The following ITPKB variants were observed in gnomAD, a reference collection of about 807,000 sequenced individuals.
ITPKB encodes the protein IP3 3-kinase B.
Under a neutral mutation model 69.4 loss-of-function variants are expected in ITPKB, and 13 were observed. The observed-to-expected ratio is 0.19, with a 90% CI of 0.12 to 0.30. The LOEUF is 0.30. ITPKB is among the 10% of genes least tolerant of loss of function. ITPKB has a pLI of 1.00. For synonymous variants in ITPKB, 584 were observed against 513.7 expected (o/e 1.14, Z -1.85); for missense variants, 1,240 against 1,250.5 (o/e 0.99, Z 0.13).
intron 2 of ITPKB, among the ~76,000 whole-genome samples, chr1:226,723,478 G>A (rs1227095855): frequency 4.6e-5 from 7 of 152,084 alleles, no homozygotes; most frequent in Admixed American, 3.3e-4. Context: ...GAGAAGAGAC[G>A]AAGACTAATT....
intron 2 of ITPKB, among the ~76,000 whole-genome samples, chr1:226,658,441 G>A (rs1363949213): frequency 6.6e-6 from 1 of 152,238 alleles, no homozygotes; most frequent in South Asian, 2.1e-4. Context: ...GGGAGGGAAG[G>A]AGGGGAAGGG....
intron 2 of ITPKB, among the ~76,000 whole-genome samples, chr1:226,687,623 G>C (rs1251240467): frequency 6.6e-6 from 1 of 152,178 alleles, no homozygotes; most frequent in Non-Finnish European, 1.5e-5. Flanking sequence ...CAAAACTGAG[G>C]GGTTCCATGA....
At chr1:226,720,854 C>A (rs572507577) in intron 2 of ITPKB, among the ~76,000 whole-genome samples, 2 of 151,600 alleles carry the variant, frequency 1.3e-5, no homozygotes, top group East Asian at 3.9e-4. Context: ...ATCAGCCTGG[C>A]CAAGATGCTG....
At chr1:226,663,070 C>T (rs1335135387) in intron 2 of ITPKB, among the ~76,000 whole-genome samples, 1 of 152,192 alleles carries the variant, frequency 6.6e-6, no homozygotes, top group African/African-American at 2.4e-5. Context: ...CCAGAGAACC[C>T]CCAAGTATGA....
chr1:226,725,842 A>T (rs549159452), intron 2 of ITPKB, among the ~76,000 whole-genome samples: 110 of 152,302 alleles, frequency 7.2e-4, no homozygotes, highest in Middle Eastern at 3.4e-3. Flanking sequence ...GTTATCCAGA[A>T]TATCTCCTCA....
chr1:226,724,281 C>T (rs1313798089), intron 2 of ITPKB, among the ~76,000 whole-genome samples: 1 of 152,134 alleles, frequency 6.6e-6, no homozygotes, highest in Admixed American at 6.5e-5. Flanking sequence ...CAGAGCAAGC[C>T]TCCCCCAGCA....
chr1:226,648,675 C>T lies in ITPKB; in HGVS notation c.2029G>A (p.Ala677Thr), dbSNP rs1336927158. 6.3e-7 allele frequency: 1 copy of T among 1,594,766 alleles called. No individual in the cohort carries two copies. The highest frequency in any genetic ancestry group is 8.6e-7 in the Non-Finnish European group (1 of 1,162,316). Residue 677 changes from alanine to threonine, a missense_variant, in exon 3 of 8, where the codon GCA becomes ACA. Ala to Thr is a moderately conservative substitution (Grantham distance 58). Coordinates refer to ENST00000429204, the MANE Select transcript of ITPKB (RefSeq NM_002221.4). ...KYPWIQLAGH[A>T]GSFKAAANGR... ...AGTCTGGGAGAGCTGTGTCTACCTG[C>T]GTGTCCTGCCAGCTGGATCCAGGGG...
At chr1:226,708,620 C>T (rs959915666) in intron 2 of ITPKB, among the ~76,000 whole-genome samples, 6 of 152,184 alleles carry the variant, frequency 3.9e-5, no homozygotes, top group Admixed American at 1.3e-4. Context: ...CCCTGTAGCA[C>T]CCATCTGGCA....
chr1:226,701,178 T>C (rs1656627720), intron 2 of ITPKB, among the ~76,000 whole-genome samples: 1 of 152,232 alleles, frequency 6.6e-6, no homozygotes, highest in African/African-American at 2.4e-5. Flanking sequence ...AGCAAGGCTG[T>C]CTGCTATATA....
chr1:226,639,531 A>G, intron 6 of ITPKB, 26 bp downstream of exon 6: 1 of 1,449,112 alleles, frequency 6.9e-7, no homozygotes, highest in African/African-American at 1.4e-5. Flanking sequence ...GGCTGGAGAG[A>G]CCCTCTCTGG....
intron 2 of ITPKB, among the ~76,000 whole-genome samples, chr1:226,733,844 T>C (rs1053003432): frequency 2.6e-5 from 4 of 152,174 alleles, no homozygotes; most frequent in African/African-American, 7.2e-5. Context: ...CCCTGTTAAT[T>C]CTCTTCTAGA....
intron 2 of ITPKB, among the ~76,000 whole-genome samples, chr1:226,719,290 A>T (rs1241490328): frequency 6.6e-6 from 1 of 152,120 alleles, no homozygotes; most frequent in African/African-American, 2.4e-5. Flanking sequence ...CAAAAAATTG[A>T]ATCTGAATCT....
At chr1:226,665,053 T>C (rs1174823891) in intron 2 of ITPKB, among the ~76,000 whole-genome samples, 1 of 152,266 alleles carries the variant, frequency 6.6e-6, no homozygotes, top group Non-Finnish European at 1.5e-5. Flanking sequence ...CTTGTTTGGC[T>C]ACATTTTTTT....
intron 2 of ITPKB, among the ~76,000 whole-genome samples, chr1:226,652,765 G>C (rs574337328): frequency 1.3e-5 from 2 of 152,346 alleles, no homozygotes; most frequent in African/African-American, 4.8e-5. Flanking sequence ...ACACCTCCCG[G>C]AGTGCTCCCA....
At chr1:226,644,479 C>A (rs1326601863) in intron 4 of ITPKB, among the ~76,000 whole-genome samples, 1 of 152,156 alleles carries the variant, frequency 6.6e-6, no homozygotes, top group Admixed American at 6.5e-5. Context: ...GTGCTAGGGG[C>A]GGGCTCTCAC....
chr1:226,716,447 C>T (rs185666610), intron 2 of ITPKB, among the ~76,000 whole-genome samples: 1 of 151,984 alleles, frequency 6.6e-6, no homozygotes, highest in African/African-American at 2.4e-5. Context: ...GATAAATATG[C>T]AGGATGTGCA....
At chr1:226,712,706 A>G (rs1008763957) in intron 2 of ITPKB, among the ~76,000 whole-genome samples, 1 of 152,178 alleles carries the variant, frequency 6.6e-6, no homozygotes, top group Non-Finnish European at 1.5e-5. Context: ...CTCCTCTTAA[A>G]TTATCTGGTC....
At chr1:226,662,477 A>G (rs1020963700) in intron 2 of ITPKB, among the ~76,000 whole-genome samples, 1 of 152,254 alleles carries the variant, frequency 6.6e-6, no homozygotes, top group Non-Finnish European at 1.5e-5. Flanking sequence ...AAACCTTAGG[A>G]TACTACTGGA....
At chr1:226,640,903 A>C (rs1004839343) in intron 5 of ITPKB, among the ~76,000 whole-genome samples, 8 of 152,206 alleles carry the variant, frequency 5.3e-5, no homozygotes, top group African/African-American at 1.9e-4. Flanking sequence ...GCTACGTCTA[A>C]ATGCCATCTG....
Sources: allele counts gnomAD v4.1 joint callset (sites outside exome capture counted in the v4.1 genomes callset), GRCh38; gene constraint gnomAD v4.1.1; transcripts MANE v1.5; gene names NCBI Gene and HGNC (gene_info 2026-07-23, HGNC 2026-07-21).